Variants in LRR1 observed in about 807,000 individuals in gnomAD.
The protein encoded by LRR1 is leucine-rich repeat protein 1.
Under a neutral mutation model 31.6 loss-of-function variants are expected in LRR1, and 29 were observed. The observed-to-expected ratio is 0.92, with a 90% CI of 0.68 to 1.25. LRR1 has a LOEUF of 1.25. Ranked by LOEUF, LRR1 falls within the 50% of genes most tolerant of loss-of-function variation. LRR1 has a pLI of 0.00. For synonymous variants in LRR1, 179 were observed against 181.4 expected, an observed-to-expected ratio of 0.99 and a Z score of 0.10; for missense variants, 485 against 487.2, an observed-to-expected ratio of 1.00 and a Z score of 0.04.
At chr14:49,608,406 ATTTTTTTTTTTTTTTTTTT>A (rs71408651) in intron 3 of LRR1, among the ~76,000 whole-genome samples, 27 of 21,096 alleles carry the variant, frequency 1.3e-3, no homozygotes, top group East Asian at 4.7e-3. Flanking sequence ...ACATTGCTTG[ATTTTTTTTTTTTTTTTTTT>A]TTTTTTTTTT....
rs551615885 is a variant in LRR1 at position 49,609,565 on chromosome 14, T to C, written c.1004+1444T>C. Among the ~76,000 whole-genome samples the C allele has an allele frequency of 4.9e-3, 738 of 151,376 alleles. 6 individuals are homozygous for C. The highest frequency in any genetic ancestry group is 0.026 in the South Asian group (126 of 4,778). ...AACTGCAGGCACCCGCCACCACACC[T>C]GGCTAATTTTTTTTTGTATTTTTAG... is the stretch of plus-strand genomic sequence containing the variant. On this transcript the variant is annotated intron_variant, in intron 3 of 3. Transcript: ENST00000298288.
rs1198379319 is a variant in LRR1, at chr14:49,607,723, T to G, written c.606T>G (p.Leu202=). The change falls in exon 3 of 4, where the codon CTT becomes CTG. Residue 202 remains leucine (L), a synonymous_variant. Coordinates refer to ENST00000298288, the MANE Select transcript of LRR1 (RefSeq NM_152329.4). ...LPATIGDLIH[L]QELNLNDNHL... is the part of the protein sequence containing the mutation. ...CTACAATTGGAGACCTCATACACCT[T>G]CAAGAACTTAACCTGAATGACAATC... 3.1e-6 allele frequency: 5 copies of G among 1,612,698 alleles called. No homozygotes were observed. The East Asian group carries it at 1.1e-4, about 36-fold the overall frequency.
At chr14:49,612,444 T>C (rs192504853) in intron 3 of LRR1, 7 of 1,203,608 alleles carry the variant, frequency 5.8e-6, no homozygotes, top group Admixed American at 3.3e-5. Flanking sequence ...AATACAGTTT[T>C]TAACTGTTGT....
intron 3 of LRR1, chr14:49,612,393 A>T: frequency 9.7e-7 from 1 of 1,029,768 alleles, no homozygotes; most frequent in Non-Finnish European, 1.2e-6. Context: ...GTTATGATCT[A>T]TTAGGAAAAT....
chr14:49,604,498 A>G (rs1003106123), intron 2 of LRR1, among the ~76,000 whole-genome samples: 1 of 152,028 alleles, frequency 6.6e-6, no homozygotes, highest in African/African-American at 2.4e-5. Flanking sequence ...CCAGGTGTTC[A>G]AGATCAGCCT....
intron 1 of LRR1, 57 bp downstream of exon 1, chr14:49,599,260 G>A (rs1881940853): frequency 6.7e-7 from 1 of 1,500,552 alleles, no homozygotes; most frequent in Non-Finnish European, 8.9e-7. Context: ...GCCGAGACGC[G>A]GGCCACCCTC....
At chr14:49,602,529 CAG>C (rs1882102477) in intron 2 of LRR1, 61 bp downstream of exon 2, 1 of 1,404,870 alleles carries the variant, frequency 7.1e-7, no homozygotes, top group Non-Finnish European at 1.0e-6. Flanking sequence ...TTTTTAGAAA[CAG>C]AGTCTTGTTC....
intron 3 of LRR1, among the ~76,000 whole-genome samples, chr14:49,613,438 G>A (rs1183368556): frequency 6.6e-6 from 1 of 151,694 alleles, no homozygotes; most frequent in Non-Finnish European, 1.5e-5. Flanking sequence ...CCTGGAGGTG[G>A]AGGTTGCAAT....
At chr14:49,604,293 A>C (rs1006202331) in intron 2 of LRR1, among the ~76,000 whole-genome samples, 2 of 152,118 alleles carry the variant, frequency 1.3e-5, no homozygotes, top group African/African-American at 4.8e-5. Context: ...CGACAGAGCC[A>C]GACCCTGTCT....
chr14:49,613,155 TGGTG>T (rs2139555719), intron 3 of LRR1, among the ~76,000 whole-genome samples: 2 of 151,990 alleles, frequency 1.3e-5, no homozygotes, highest in East Asian at 3.9e-4. Context: ...CTGGCTAACA[TGGTG>T]AAACCCTGCC....
At chr14:49,605,507 A>T (rs1882245538) in intron 2 of LRR1, among the ~76,000 whole-genome samples, 1 of 152,292 alleles carries the variant, frequency 6.6e-6, no homozygotes, top group Non-Finnish European at 1.5e-5. Flanking sequence ...TGATCTTTTC[A>T]CTTGTCTATC....
intron 2 of LRR1, among the ~76,000 whole-genome samples, chr14:49,603,826 G>A (rs1882182345): frequency 6.6e-6 from 1 of 150,886 alleles, no homozygotes; most frequent in African/African-American, 2.4e-5. Flanking sequence ...CCCAGTAGCT[G>A]GGATTACAGG....
chr14:49,608,603 A>G (rs1443862790), intron 3 of LRR1, among the ~76,000 whole-genome samples: 21 of 151,288 alleles, frequency 1.4e-4, no homozygotes, highest in Admixed American at 1.4e-3. Context: ...CCCTGCTCCT[A>G]GCATATATTA....
intron 2 of LRR1, among the ~76,000 whole-genome samples, chr14:49,605,134 A>G (rs1284560524): frequency 6.6e-6 from 1 of 152,124 alleles, no homozygotes; most frequent in African/African-American, 2.4e-5. Context: ...GGCTCAAGCA[A>G]TCTGTCCACG....
intron 1 of LRR1, chr14:49,600,021 C>G: frequency 6.2e-7 from 1 of 1,609,282 alleles, no homozygotes; most frequent in Non-Finnish European, 8.5e-7. Flanking sequence ...CGCGCTGATG[C>G]TCAAGTGCGT....
chr14:49,612,568 CTT>C (rs970096928), intron 3 of LRR1: 2 of 1,186,118 alleles, frequency 1.7e-6, no homozygotes, highest in Non-Finnish European at 2.1e-6. Context: ...ATTAATAAGT[CTT>C]TTTATGAAAA....
chr14:49,614,166 A>C, intron 3 of LRR1, 90 bp from the exon 4 acceptor site: 2 of 1,305,704 alleles, frequency 1.5e-6, no homozygotes, highest in Non-Finnish European at 2.1e-6. Flanking sequence ...TAATAATTTT[A>C]CTTTTCATTG....
intron 3 of LRR1, among the ~76,000 whole-genome samples, chr14:49,610,561 C>G (rs1882474968): frequency 6.6e-6 from 1 of 150,860 alleles, no homozygotes; most frequent in South Asian, 2.1e-4. Flanking sequence ...AGCCATTGTT[C>G]AGGTTGCTTT....
rs144330020 is a variant in LRR1, at chr14:49,614,304, G to A, written c.1053G>A (p.Leu351=). ...TTCCATTCCATCTCTGCCAAGATTT[G>A]GATACCGCAAAAATTTGTGTTTGTG... ...HIIPFHLCQD[L]DTAKICVCGR... The change falls in exon 4 of 4, where the codon TTG becomes TTA. Residue 351 remains leucine, a synonymous_variant. Transcript: ENST00000298288. The A allele has an allele frequency of 6.2e-4, 1,002 of 1,613,460 alleles. No homozygotes were observed. Among genetic ancestry groups the A allele is most frequent in the Non-Finnish European group, 7.6e-4 (894 of 1,179,872 alleles).
Sources: allele counts gnomAD v4.1 joint callset (sites outside exome capture counted in the v4.1 genomes callset), GRCh38; gene constraint gnomAD v4.1.1; transcripts MANE v1.5; gene names NCBI Gene and HGNC (gene_info 2026-07-23, HGNC 2026-07-21).